The following BEST3 variants were observed in gnomAD, a reference collection of about 807,000 sequenced individuals.
BEST3 encodes the protein bestrophin-3.
A neutral mutation model predicts 47.1 loss-of-function variants in BEST3; 50 were observed. That is an observed-to-expected ratio of 1.06 (90% CI 0.85 to 1.34). The LOEUF is 1.34. Ranked by LOEUF, BEST3 falls within the 40% of genes most tolerant of loss-of-function variation. The probability of loss-of-function intolerance (pLI) is 0.00; values close to 1 mark genes in which losing one functional copy is unlikely to be tolerated. For missense variants in BEST3, 765 were observed against 817.0 expected (o/e 0.94, Z 0.78); for synonymous variants, 282 against 298.8 (o/e 0.94, Z 0.58).
chr12:69,653,151 T>A (rs191687766), downstream of BEST3, among the ~76,000 whole-genome samples: 2 of 151,748 alleles, frequency 1.3e-5, no homozygotes, highest in Admixed American at 1.3e-4. Flanking sequence ...GGAAGGAGGG[T>A]CCTGCCAACT....
intron 9 of BEST3, among the ~76,000 whole-genome samples, chr12:69,664,185 C>T (rs76517321): frequency 5.9e-5 from 9 of 152,102 alleles, no homozygotes; most frequent in Non-Finnish European, 7.4e-5. Context: ...GATCAAGAGA[C>T]GGAACTTCAG....
chr12:69,689,052 C>T (rs1287569996), intron 4 of BEST3: 2 of 983,288 alleles, frequency 2.0e-6, no homozygotes, highest in Non-Finnish European at 2.4e-6. Flanking sequence ...CCTTTGGGGC[C>T]CTCAGTGCTT....
intron 4 of BEST3, among the ~76,000 whole-genome samples, chr12:69,681,180 G>GTT (rs34494668): frequency 2.0e-5 from 3 of 151,174 alleles, no homozygotes; most frequent in Non-Finnish European, 3.0e-5. Context: ...TAATTTTTGA[G>GTT]TTTTTTTTTC....
At position 69,697,676 on chromosome 12, in the gene BEST3, A is replaced by G; in HGVS notation, c.123T>C (p.Val41=). The change falls in exon 2 of 10, where the codon GTT becomes GTC. Residue 41 remains valine (V), a synonymous_variant. Transcript: ENST00000330891. Reference sequence around the variant, plus strand: ...ATACCAAACTTATTGCTGTATAAAGAACAGCAAAAACAATAAATTCCCTGT... The same window carrying G: ...ATACCAAACTTATTGCTGTATAAAGGACAGCAAAAACAATAAATTCCCTGT... ...LLYREFIVFA[V]LYTAISLVYR... 1 of 1,608,374 alleles carries G rather than the reference A, an allele frequency of 6.2e-7. No homozygotes were observed. Among genetic ancestry groups the G allele is most frequent in the Non-Finnish European group, 8.5e-7 (1 of 1,177,470 alleles).
intron 9 of BEST3, among the ~76,000 whole-genome samples, chr12:69,669,198 G>T (rs749087310): frequency 6.6e-6 from 1 of 152,074 alleles, no homozygotes; most frequent in Non-Finnish European, 1.5e-5. Flanking sequence ...ATCCAAAGGG[G>T]GCCATTTCTA....
In BEST3 at chr12:69,671,498, G is replaced by A. The variant is rs779770948; in HGVS notation, c.1030C>T (p.Arg344Cys). The A allele has an allele frequency of 1.1e-5, 18 of 1,614,010 alleles. No homozygotes were observed. The highest frequency in any genetic ancestry group is 1.2e-5 in the Non-Finnish European group (14 of 1,179,892). ...KDIYWDDSAA[R>C]PPYTLAAADY... Reference sequence around the variant, plus strand: ...GCAGCTGCCAATGTGTATGGTGGGCGAGCAGCAGAATCGTCCCAGTAAATG... The same window carrying A: ...GCAGCTGCCAATGTGTATGGTGGGCAAGCAGCAGAATCGTCCCAGTAAATG... The change falls in exon 9 of 10, where the codon CGC becomes TGC. Residue 344 changes from arginine (R) to cysteine (C), a missense_variant. Arg to Cys is a radical substitution (Grantham distance 180). Transcript: ENST00000330891.
chr12:69,671,503 G>T lies in BEST3; in HGVS notation c.1025C>A (p.Ala342Asp). The T allele has an allele frequency of 6.2e-7, 1 of 1,613,988 alleles. No individual in the cohort carries two copies. The highest frequency in any genetic ancestry group is 8.5e-7 in the Non-Finnish European group (1 of 1,179,832). The part of the protein sequence containing the change: ...MKKDIYWDDS[A>D]ARPPYTLAAA... ...TGCCAATGTGTATGGTGGGCGAGCA[G>T]CAGAATCGTCCCAGTAAATGTCCTT... The change falls in exon 9 of 10, where the codon GCT (alanine) becomes GAT (aspartate). Residue 342 changes from alanine (A) to aspartate (D), a missense_variant. Transcript: ENST00000330891.
intron 9 of BEST3, among the ~76,000 whole-genome samples, chr12:69,659,273 C>T (rs1479581848): frequency 6.6e-6 from 1 of 152,194 alleles, no homozygotes; most frequent in African/African-American, 2.4e-5. Flanking sequence ...TGTTCATCTC[C>T]TCCTTTCTCT....
chr12:69,696,192 T>C (rs1206518052), intron 2 of BEST3, among the ~76,000 whole-genome samples: 1 of 152,168 alleles, frequency 6.6e-6, no homozygotes, highest in African/African-American at 2.4e-5. Context: ...GGTATTACAA[T>C]TGAACTTTAA....
chr12:69,655,556 G>T lies in BEST3; in HGVS notation c.1358C>A (p.Ser453Tyr). Residue 453 changes from serine to tyrosine, a missense_variant, in exon 10 of 10, where the codon TCC (serine) becomes TAC (tyrosine). Physicochemically the swap from Ser to Tyr is moderately radical, Grantham distance 144 (BLOSUM62 -2). Coordinates refer to ENST00000330891, the MANE Select transcript of BEST3 (RefSeq NM_032735.3). The part of the protein sequence containing the change: ...PPRASPTWKK[S>Y]CFPEGSPTLH... Reference sequence around the variant, plus strand: ...CGTGGGGCTTCCTTCTGGGAAGCAGGATTTCTTCCAGGTGGGTGAGGCCCT... The same window carrying T: ...CGTGGGGCTTCCTTCTGGGAAGCAGTATTTCTTCCAGGTGGGTGAGGCCCT... 1 of 1,614,056 alleles carries T rather than the reference G, an allele frequency of 6.2e-7. No individual in the cohort carries two copies. The highest frequency in any genetic ancestry group is 8.5e-7 in the Non-Finnish European group (1 of 1,179,996).
intron 8 of BEST3, 92 bp downstream of exon 8, chr12:69,672,793 C>A (rs1032584675): frequency 3.3e-6 from 3 of 903,908 alleles, no homozygotes; most frequent in Non-Finnish European, 3.4e-6. Context: ...AGCTCTGAAG[C>A]CAAGGGGTGT....
At chr12:69,656,101 G>GC (rs1315713582) in intron 9 of BEST3, among the ~76,000 whole-genome samples, 1 of 152,162 alleles carries the variant, frequency 6.6e-6, no homozygotes, top group Non-Finnish European at 1.5e-5. Context: ...TGAAACACAA[G>GC]CACGTACAAG....
intron 4 of BEST3, among the ~76,000 whole-genome samples, chr12:69,691,069 A>G (rs1481563837): frequency 2.0e-5 from 3 of 152,092 alleles, no homozygotes; most frequent in Non-Finnish European, 4.4e-5. Flanking sequence ...TGACATTCAC[A>G]ACCTCTTGAT....
chr12:69,680,596 C>T (rs986190348), intron 4 of BEST3, among the ~76,000 whole-genome samples: 3 of 151,976 alleles, frequency 2.0e-5, no homozygotes, highest in Non-Finnish European at 4.4e-5. Flanking sequence ...CGTGAGCCAC[C>T]GCCCCTAGCC....
At chr12:69,672,123 T>C (rs1884614316) in intron 8 of BEST3, among the ~76,000 whole-genome samples, 1 of 152,234 alleles carries the variant, frequency 6.6e-6, no homozygotes, top group South Asian at 2.1e-4. Context: ...AAGTGATGCA[T>C]GAATACATTA....
chr12:69,664,768 A>G (rs1272214997), intron 9 of BEST3, among the ~76,000 whole-genome samples: 1 of 151,000 alleles, frequency 6.6e-6, no homozygotes, highest in African/African-American at 2.4e-5. Flanking sequence ...CAATGATAAA[A>G]GATACAGACT....
intron 9 of BEST3, among the ~76,000 whole-genome samples, chr12:69,648,338 G>C (rs1455454112): frequency 6.6e-6 from 1 of 152,156 alleles, no homozygotes; most frequent in Non-Finnish European, 1.5e-5. Context: ...AGATTTACAA[G>C]AGGGAATTTG....
chr12:69,686,598 C>G (rs972762846), intron 4 of BEST3, among the ~76,000 whole-genome samples: 1 of 151,518 alleles, frequency 6.6e-6, no homozygotes, highest in Non-Finnish European at 1.5e-5. Context: ...ATGGTGAAAC[C>G]CTGTCTCTAC....
chr12:69,690,494 C>A (rs1446014654), intron 4 of BEST3, among the ~76,000 whole-genome samples: 1 of 152,300 alleles, frequency 6.6e-6, no homozygotes, highest in African/African-American at 2.4e-5. Flanking sequence ...TCATGTCTGA[C>A]CAGAGGCCCC....
Sources: gnomAD v4.1 joint callset for allele counts (sites outside exome capture counted in the v4.1 genomes callset) on GRCh38, gnomAD v4.1.1 for gene constraint, MANE v1.5 for transcripts, NCBI Gene and HGNC (gene_info 2026-07-23, HGNC 2026-07-21) for gene names.